TTC39B: variants seen among roughly 807,000 people sequenced by gnomAD.
The protein encoded by TTC39B is tetratricopeptide repeat protein 39B.
Under a neutral mutation model 96.6 loss-of-function variants are expected in TTC39B, and 92 were observed. The observed-to-expected ratio is 0.95, with a 90% CI of 0.80 to 1.13. TTC39B has a LOEUF of 1.13. TTC39B is among the 50% of genes most tolerant of loss of function. The pLI is 0.00. For synonymous variants in TTC39B, 367 were observed against 299.4 expected (o/e 1.23, Z -2.33); for missense variants, 955 against 809.3 (o/e 1.18, Z -2.18).
At chr9:15,228,679 C>T (rs1821263937) in intron 2 of TTC39B, among the ~76,000 whole-genome samples, 1 of 152,170 alleles carries the variant, frequency 6.6e-6, no homozygotes, top group Non-Finnish European at 1.5e-5. Flanking sequence ...AAGTTTCCCC[C>T]TCCCACTCCT....
At chr9:15,197,297 C>T (rs975168356) in intron 8 of TTC39B, among the ~76,000 whole-genome samples, 27 of 152,110 alleles carry the variant, frequency 1.8e-4, no homozygotes, top group African/African-American at 6.5e-4. Flanking sequence ...CAGCAATTAG[C>T]ATTGAATTTA....
intron 3 of TTC39B, among the ~76,000 whole-genome samples, chr9:15,216,672 A>G (rs1000018578): frequency 2.0e-5 from 3 of 151,950 alleles, no homozygotes; most frequent in African/African-American, 7.3e-5. Flanking sequence ...GGGTCTATAG[A>G]CCCATTTCTT....
chr9:15,296,749 G>A (rs900566703), intron 1 of TTC39B, among the ~76,000 whole-genome samples: 9 of 152,010 alleles, frequency 5.9e-5, no homozygotes, highest in Admixed American at 1.3e-4. Context: ...CCCCTGCCTC[G>A]GCCTCCCAAA....
chr9:15,203,306 A>T (rs1819648361), intron 7 of TTC39B, among the ~76,000 whole-genome samples: 2 of 152,208 alleles, frequency 1.3e-5, no homozygotes, highest in South Asian at 4.1e-4. Context: ...GGTGAAGTGC[A>T]GTGGTAGGAC....
At chr9:15,263,596 A>G (rs1239562050) in intron 2 of TTC39B, among the ~76,000 whole-genome samples, 1 of 152,226 alleles carries the variant, frequency 6.6e-6, no homozygotes, top group Non-Finnish European at 1.5e-5. Flanking sequence ...TCTGCTTCGG[A>G]AACAACCCCC....
chr9:15,199,997 T>C, intron 7 of TTC39B, 72 bp from the exon 8 acceptor site: 5 of 821,580 alleles, frequency 6.1e-6, no homozygotes, highest in Non-Finnish European at 9.4e-6. Context: ...GTTGTGTGTT[T>C]GTGTGATTAG....
chr9:15,240,244 A>G (rs1287669585), intron 2 of TTC39B, among the ~76,000 whole-genome samples: 2 of 151,896 alleles, frequency 1.3e-5, no homozygotes, highest in African/African-American at 2.4e-5. Flanking sequence ...AAAGGAATAT[A>G]CTTTCAACTT....
rs1454032136 is a variant in TTC39B at position 15,306,323 on chromosome 9, G to A, written c.240+761C>T. Among the ~76,000 whole-genome samples, 2 of 152,200 alleles carry A rather than the reference G, an allele frequency of 1.3e-5. No homozygotes were observed. The highest frequency in any genetic ancestry group is 4.1e-4 in the South Asian group (2 of 4,834). The stretch of plus-strand genomic sequence containing the variant: ...AACAGGTCCGGCGCGCTAGCCCCTG[G>A]GTGCTCAGGCCCGGGCGCGCCACGA... On this transcript the variant is annotated intron_variant, in intron 1 of 19. Coordinates refer to ENST00000512701, the Ensembl canonical transcript of TTC39B. The surrounding 1 kb of genome is among the most constrained non-coding windows in gnomAD (Gnocchi z 5.1).
At chr9:15,203,734 G>C in intron 7 of TTC39B, 89 bp downstream of exon 7, 1 of 1,053,448 alleles carries the variant, frequency 9.5e-7, no homozygotes, top group South Asian at 1.7e-5. Flanking sequence ...CAAAAGAACT[G>C]AAGCTTTGAC....
intron 2 of TTC39B, among the ~76,000 whole-genome samples, chr9:15,233,921 TC>T (rs1437011480): frequency 7.8e-5 from 11 of 140,222 alleles, no homozygotes; most frequent in Non-Finnish European, 1.2e-4. Flanking sequence ...GAGCGCCTCT[TC>T]CCCGCCGCCA....
intron 2 of TTC39B, among the ~76,000 whole-genome samples, chr9:15,237,683 A>C (rs1324700278): frequency 6.6e-6 from 1 of 150,814 alleles, no homozygotes; most frequent in African/African-American, 2.4e-5. Flanking sequence ...GCTCAGGACC[A>C]GATGCATTCA....
intron 1 of TTC39B, among the ~76,000 whole-genome samples, chr9:15,275,042 GTT>G (rs546113740): frequency 0.028 from 4,011 of 143,664 alleles, 179 homozygotes; most frequent in African/African-American, 0.095. Context: ...CGTAAATTCT[GTT>G]TTTTTTTTTT....
intron 1 of TTC39B, among the ~76,000 whole-genome samples, chr9:15,282,558 A>G (rs944102190): frequency 1.3e-5 from 2 of 152,228 alleles, no homozygotes; most frequent in Non-Finnish European, 2.9e-5. Flanking sequence ...AAAATAAATA[A>G]TTCTAAAATT....
intron 15 of TTC39B, chr9:15,186,667 G>T: frequency 3.9e-6 from 1 of 255,988 alleles, no homozygotes. Flanking sequence ...TTTTACTAAT[G>T]TTGATGTTGA....
rs1818643140 is a variant in TTC39B at position 15,188,139 on chromosome 9, AT to A, written c.1234-8del. 6.3e-7 allele frequency: 1 copy of A among 1,590,258 alleles called. No homozygotes were observed. Among genetic ancestry groups the A allele is most frequent in the East Asian group, 2.2e-5 (1 of 44,500 alleles). On this transcript the variant is annotated splice_region_variant and splice_polypyrimidine_tract_variant and intron_variant, in intron 13 of 19. Coordinates refer to ENST00000512701, the Ensembl canonical transcript of TTC39B. ...TTTGAAATACTTCTTGTGCCTGTAA[AT>A]CAAGTACACAAAGTTGATCGTCCAG...
At chr9:15,197,882 T>TTGCGACTC (rs1386347849) in intron 8 of TTC39B, among the ~76,000 whole-genome samples, 1 of 152,060 alleles carries the variant, frequency 6.6e-6, no homozygotes, top group East Asian at 1.9e-4. Flanking sequence ...CAGAATACTA[T>TTGCGACTC]AGTTAGCAAA....
At chr9:15,292,232 A>G (rs1418824116) in intron 1 of TTC39B, among the ~76,000 whole-genome samples, 1 of 152,220 alleles carries the variant, frequency 6.6e-6, no homozygotes, top group East Asian at 1.9e-4. Flanking sequence ...AAAGCCGTGT[A>G]ACTACAACAG....
chr9:15,281,174 C>T (rs919783808), intron 1 of TTC39B, among the ~76,000 whole-genome samples: 16 of 151,798 alleles, frequency 1.1e-4, no homozygotes, highest in African/African-American at 3.9e-4. Flanking sequence ...GAAAAAAAAT[C>T]TAAAAACAAC....
intron 3 of TTC39B, among the ~76,000 whole-genome samples, chr9:15,225,274 T>C (rs986458227): frequency 6.6e-6 from 1 of 152,190 alleles, no homozygotes; most frequent in African/African-American, 2.4e-5. Context: ...AAAAATTTAA[T>C]ATCTCTATAT....
Sources: allele counts gnomAD v4.1 joint callset (sites outside exome capture counted in the v4.1 genomes callset), GRCh38; gene constraint gnomAD v4.1.1; non-coding constraint Gnocchi (gnomAD v3.1); transcripts MANE v1.5; gene names NCBI Gene and HGNC (gene_info 2026-07-23, HGNC 2026-07-21).